Variants in SCUBE3 observed in about 807,000 individuals in gnomAD.
SCUBE3 encodes signal peptide, CUB and EGF-like domain-containing protein 3.
In SCUBE3, 33 loss-of-function variants were observed where a neutral mutation model predicts 116.8. The ratio of observed to expected loss-of-function variants is 0.28; its 90% CI spans 0.21 to 0.38. The LOEUF (loss-of-function observed/expected upper bound fraction) is 0.38. Among genes scored for constraint, SCUBE3 ranks in the 10% least tolerant of loss-of-function variants. The pLI, the probability that SCUBE3 is intolerant of heterozygous loss-of-function variation, is 1.00. For missense variants in SCUBE3, 1,007 were observed against 1,324.8 expected, an observed-to-expected ratio of 0.76 and a Z score of 3.72; for synonymous variants, 418 against 496.9, an observed-to-expected ratio of 0.84 and a Z score of 2.11.
chr6:35,238,002 C>A lies in SCUBE3; in HGVS notation c.813C>A (p.Asp271Glu). ...CTGTGGGCTTCATGCTGCAGCCAGA[C>A]AGGAAGACGTGCAAAGGTAAGGACT... ...TCPVGFMLQP[D>E]RKTCKDIDEC... Residue 271 changes from aspartate (D) to glutamate (E), a missense_variant, in exon 7 of 22, where the codon GAC (aspartate) becomes GAA (glutamate). Coordinates refer to ENST00000274938, the MANE Select transcript of SCUBE3 (RefSeq NM_152753.4). 1 of 1,602,646 alleles carries A rather than the reference C, an allele frequency of 6.2e-7. No homozygotes were observed. Among genetic ancestry groups the A allele is most frequent in the Non-Finnish European group, 8.5e-7 (1 of 1,169,990 alleles).
At chr6:35,227,545 C>G in intron 1 of SCUBE3, 35 bp from the exon 2 acceptor site, 3 of 1,613,700 alleles carry the variant, frequency 1.9e-6, no homozygotes, top group South Asian at 1.1e-5. Flanking sequence ...GAGGTGCCAA[C>G]AGAGGTTCTC....
chr6:35,241,592 C>A lies in SCUBE3; in HGVS notation c.1245C>A (p.Ser415Arg). The A allele has an allele frequency of 6.2e-7, 1 of 1,614,206 alleles. No homozygotes were observed. Among genetic ancestry groups the A allele is most frequent in the South Asian group, 1.1e-5 (1 of 91,086 alleles). The change falls in exon 11 of 22, where the codon AGC (serine) becomes AGA (arginine). Residue 415 changes from serine (S) to arginine (R), a missense_variant. Physicochemically the swap from Ser to Arg is moderately radical, Grantham distance 110 (BLOSUM62 -1). Transcript: ENST00000274938. This position sits in a 1 kb window ranked among gnomAD's most constrained non-coding sequence, Gnocchi z 4.1. ...CTGGGGCCTCGAAAGCCATGCTCAG[C>A]TGCAACCGGTCTGGCAAGAAGGACA... ...GSPGASKAML[S>R]CNRSGKKDTC...
chr6:35,241,217 C>G lies in SCUBE3; in HGVS notation c.1146C>G (p.Thr382=). ...CINTPGSYQC[T]CPAGQGRLHW... Reference sequence around the variant, plus strand: ...ACACTCCTGGCAGCTACCAGTGTACCTGCCCAGCAGGCCAGGGTCGGCTGC... The same window carrying G: ...ACACTCCTGGCAGCTACCAGTGTACGTGCCCAGCAGGCCAGGGTCGGCTGC... Residue 382 remains threonine (T), a synonymous_variant, in exon 10 of 22, where the codon ACC becomes ACG. Coordinates refer to ENST00000274938, the MANE Select transcript of SCUBE3 (RefSeq NM_152753.4). The surrounding 1 kb of genome is among the most constrained non-coding windows in gnomAD (Gnocchi z 4.1). 1.9e-6 allele frequency: 3 copies of G among 1,605,290 alleles called. No individual in the cohort carries two copies. In the South Asian group the frequency reaches 3.3e-5, roughly 18 times the overall value.
At position 35,245,822 on chromosome 6, in the gene SCUBE3, G is replaced by T; in HGVS notation, c.2600-122G>T. On this transcript the variant is annotated intron_variant, in intron 19 of 21. Transcript: ENST00000274938. The surrounding 1 kb of genome is among the most constrained non-coding windows in gnomAD (Gnocchi z 4.2). ...GGGTAGGGTGTGTGTATGCGAAGGG[G>T]GAGCCTTTGTCAGAATGATTCTCTT... The T allele has an allele frequency of 9.6e-7, 1 of 1,041,322 alleles. No individual in the cohort carries two copies. Among genetic ancestry groups the T allele is most frequent in the Non-Finnish European group, 1.4e-6 (1 of 700,508 alleles). The allele number at this position is 1,041,322 out of a possible 1,614,324, so 64.5% of individuals were successfully genotyped here. A position where few individuals can be genotyped will look rare whatever the true frequency, so the allele number is the denominator to read the frequency against.
rs1297023488 is a variant in SCUBE3 at position 35,233,149 on chromosome 6, A to T, written c.596-36A>T. 6.5e-7 allele frequency: 1 copy of T among 1,549,082 alleles called. No individual in the cohort carries two copies. The highest frequency in any genetic ancestry group is 1.1e-5 in the South Asian group (1 of 88,842). On this transcript the variant is annotated intron_variant, in intron 5 of 21. Coordinates refer to ENST00000274938, the MANE Select transcript of SCUBE3 (RefSeq NM_152753.4). The surrounding 1 kb of genome is among the most constrained non-coding windows in gnomAD (Gnocchi z 5.7). ...GTGGAAAACTGTGGATGCAGGGAGG[A>T]GCAAGCTGACAGGGCCCTGTCCTCT...
rs1783549911 is a variant in SCUBE3, at chr6:35,231,599, C to CT, written c.335-124dup. ...ATATTAGCTGACAAGGGTGTGAGGACTTCCTGGCTTAAGGCTGGGCTTAGG... is the reference window on the plus strand; with the variant it reads ...ATATTAGCTGACAAGGGTGTGAGGACTTTCCTGGCTTAAGGCTGGGCTTAGG... On this transcript the variant is annotated intron_variant, in intron 3 of 21. Transcript: ENST00000274938. This position sits in a 1 kb window ranked among gnomAD's most constrained non-coding sequence, Gnocchi z 4.2. 1.4e-6 allele frequency: 1 copy of CT among 739,106 alleles called. No individual in the cohort carries two copies. The highest frequency in any genetic ancestry group is 1.8e-5 in the African/African-American group (1 of 56,106). 45.8% of individuals were successfully genotyped at this position (739,106 alleles called of 1,614,324 possible).
In SCUBE3 at chr6:35,214,537, T is replaced by G. The variant is rs1163179482; in HGVS notation, c.85+34T>G. On this transcript the variant is annotated intron_variant, in intron 1 of 21. Coordinates refer to ENST00000274938, the MANE Select transcript of SCUBE3 (RefSeq NM_152753.4). The surrounding 1 kb of genome is among the most constrained non-coding windows in gnomAD (Gnocchi z 6.3). The stretch of plus-strand genomic sequence containing the variant: ...GGAGGGGCGCGCGGCCTGGGGGCTG[T>G]CCTGGCTGCTGGGCCTCAGGGCCTA... 1 of 1,363,630 alleles carries G rather than the reference T, an allele frequency of 7.3e-7. No homozygotes were observed. The highest frequency in any genetic ancestry group is 1.5e-5 in the African/African-American group (1 of 66,412). 84.5% of individuals were successfully genotyped at this position (1,363,630 alleles called of 1,614,324 possible). A position where few individuals can be genotyped will look rare whatever the true frequency, so the allele number is the denominator to read the frequency against.
Position 35,239,874 on chromosome 6 carries a change from G to C in SCUBE3, c.952G>C (p.Asp318His). ...TCTCATCAATGAGAGGAACTGCCAGGGTGAGCAGACTCAGCCAAAGGTGAA... is the reference window on the plus strand; with the variant it reads ...TCTCATCAATGAGAGGAACTGCCAGCGTGAGCAGACTCAGCCAAAGGTGAA... ...KLLINERNCQ[D>H]IDECSFDRTC... The change falls in exon 8 of 22, where the codon GAT (aspartate) becomes CAT (histidine). Residue 318 changes from aspartate to histidine, a missense_variant and splice_region_variant. This residue lies in a region of SCUBE3 where 214 missense variants were observed against 316.7 expected (regional missense o/e 0.68). Coordinates refer to ENST00000274938, the MANE Select transcript of SCUBE3 (RefSeq NM_152753.4). This position sits in a 1 kb window ranked among gnomAD's most constrained non-coding sequence, Gnocchi z 4.1. 6.3e-7 allele frequency: 1 copy of C among 1,598,730 alleles called. No homozygotes were observed. Among genetic ancestry groups the C allele is most frequent in the Non-Finnish European group, 8.5e-7 (1 of 1,175,000 alleles).
chr6:35,248,835 C>G lies in SCUBE3; in HGVS notation c.*130C>G. 2.8e-6 allele frequency: 2 copies of G among 703,930 alleles called. No homozygotes were observed. Among genetic ancestry groups the G allele is most frequent in the Non-Finnish European group, 4.9e-6 (2 of 412,054 alleles). The allele number at this position is 703,930 out of a possible 1,614,324, so 43.6% of individuals were successfully genotyped here. ...GAGGGAAAAAAAAAATATCACTACA[C>G]AAACCAGGCACTCTCCCTTTCTGTC... On this transcript the variant is annotated 3_prime_UTR_variant, in exon 22 of 22. Transcript: ENST00000274938.
chr6:35,250,036 A>C lies in SCUBE3; in HGVS notation c.*1331A>C, dbSNP rs1052988422. ...TTGGAGTGGAAGAAAATCGGTTTTG[A>C]ATCTCATGAACCTTGAGTGCTGGAG... On this transcript the variant is annotated 3_prime_UTR_variant, in exon 22 of 22. Coordinates refer to ENST00000274938, the MANE Select transcript of SCUBE3 (RefSeq NM_152753.4). 1 of 152,654 alleles carries C rather than the reference A, an allele frequency of 6.6e-6. No homozygotes were observed. The highest frequency in any genetic ancestry group is 2.4e-5 in the African/African-American group (1 of 41,450). 9.5% of individuals were successfully genotyped at this position (152,654 alleles called of 1,614,324 possible).
chr6:35,230,693 G>A (rs1783509637), intron 3 of SCUBE3, among the ~76,000 whole-genome samples: 1 of 152,216 alleles, frequency 6.6e-6, no homozygotes, highest in Non-Finnish European at 1.5e-5. Context: ...TCCAACAGGT[G>A]CATCTCTTGG....
chr6:35,238,067 G>T (rs757757426), intron 7 of SCUBE3, 49 bp downstream of exon 7: 22 of 1,136,474 alleles, frequency 1.9e-5, no homozygotes, highest in Non-Finnish European at 2.4e-5. Flanking sequence ...GTAAGGGGCT[G>T]AGGTTGGGAC....
chr6:35,241,764 T>G lies in SCUBE3; in HGVS notation c.1313-42T>G. On this transcript the variant is annotated intron_variant, in intron 11 of 21. Transcript: ENST00000274938. This position sits in a 1 kb window ranked among gnomAD's most constrained non-coding sequence, Gnocchi z 4.1. ...CCTGGATTCCTCCAGCCAGCGGGGG[T>G]TGGGAAGGCAGGTCAGAACTGTGAC... 6.4e-7 allele frequency: 1 copy of G among 1,552,336 alleles called. No individual in the cohort carries two copies. The highest frequency in any genetic ancestry group is 8.9e-7 in the Non-Finnish European group (1 of 1,123,766).
chr6:35,214,317 G>GCCCCCCCCC lies in SCUBE3; in HGVS notation c.-97_-96insCCCCCCCCC. The GCCCCCCCCC allele has an allele frequency of 1.6e-6, 1 of 622,898 alleles. No homozygotes were observed. Among genetic ancestry groups the GCCCCCCCCC allele is most frequent in the Non-Finnish European group, 2.3e-6 (1 of 432,616 alleles). 38.6% of individuals were successfully genotyped at this position (622,898 alleles called of 1,614,324 possible). ...GCCCCCGGCCTGGCCCCGGCGGGGC[G>GCCCCCCCCC]CCCCCTCCCCTCCCCCTCCTGCGAG... On this transcript the variant is annotated 5_prime_UTR_variant, in exon 1 of 22. Coordinates refer to ENST00000274938, the MANE Select transcript of SCUBE3 (RefSeq NM_152753.4). This position sits in a 1 kb window ranked among gnomAD's most constrained non-coding sequence, Gnocchi z 6.3.
In SCUBE3 at chr6:35,244,019, C is replaced by T; in HGVS notation, c.2128C>T (p.Pro710Ser). The change falls in exon 17 of 22, where the codon CCA becomes TCA. Residue 710 changes from proline (P) to serine (S), a missense_variant. Pro to Ser is a moderately conservative substitution (Grantham distance 74). Around this residue, in one of 5 missense-constraint regions of SCUBE3, gnomAD observed 544 missense variants for 638.9 expected, o/e 0.85. Transcript: ENST00000274938. The surrounding 1 kb of genome is among the most constrained non-coding windows in gnomAD (Gnocchi z 4.3). ...TGGGTTCAAGCCCTGTCAGCCATGC[C>T]CACGTGGCACCTACCAACCTGAAGC... ...VDGFKPCQPC[P>S]RGTYQPEAGR... The T allele has an allele frequency of 6.2e-7, 1 of 1,614,052 alleles. No homozygotes were observed. Among genetic ancestry groups the T allele is most frequent in the Non-Finnish European group, 8.5e-7 (1 of 1,179,928 alleles).
chr6:35,242,338 C>A lies in SCUBE3; in HGVS notation c.1534+18C>A. 6.5e-7 allele frequency: 1 copy of A among 1,547,218 alleles called. No individual in the cohort carries two copies. Among genetic ancestry groups the A allele is most frequent in the Non-Finnish European group, 8.9e-7 (1 of 1,119,406 alleles). On this transcript the variant is annotated intron_variant, in intron 13 of 21. Transcript: ENST00000274938. ...AGGGCCAGGTTTGGACTGGGGACCC[C>A]ATTCCAGTTGGCTGTCTGGCCACTA...
At position 35,231,882 on chromosome 6, in the gene SCUBE3, C is replaced by G. The variant is rs1366727715; in HGVS notation, c.469+23C>G. 1.3e-6 allele frequency: 2 copies of G among 1,585,946 alleles called. No individual in the cohort carries two copies. The highest frequency in any genetic ancestry group is 2.2e-5 in the South Asian group (2 of 89,244). On this transcript the variant is annotated intron_variant, in intron 4 of 21. Transcript: ENST00000274938. This position sits in a 1 kb window ranked among gnomAD's most constrained non-coding sequence, Gnocchi z 4.2. ...AAGGTCAGCCCATGACCTGGGATGG[C>G]CCCATCCCTGCCCTCCCCAGGCTTC...
chr6:35,217,546 T>C (rs1486953648), intron 1 of SCUBE3, among the ~76,000 whole-genome samples: 4 of 151,350 alleles, frequency 2.6e-5, no homozygotes, highest in Non-Finnish European at 5.9e-5. Context: ...TCCGGGTCTC[T>C]GTCTGGGTGT....
rs57822793 is a variant in SCUBE3, at chr6:35,241,086, C to T, written c.1070-55C>T. ...AGGCCCTCACTCACTGCCTACTCTCCGGCTCCTCCTCCAACTCCATCGTTG... is the reference window on the plus strand; with the variant it reads ...AGGCCCTCACTCACTGCCTACTCTCTGGCTCCTCCTCCAACTCCATCGTTG... On this transcript the variant is annotated intron_variant, in intron 9 of 21. Transcript: ENST00000274938. This position sits in a 1 kb window ranked among gnomAD's most constrained non-coding sequence, Gnocchi z 4.1. The T allele has an allele frequency of 4.2e-4, 651 of 1,542,932 alleles. 5 individuals are homozygous for T. In the African/African-American group the frequency reaches 6.9e-3, roughly 16 times the overall value.
Sources: gnomAD v4.1 joint callset for allele counts (sites outside exome capture counted in the v4.1 genomes callset) on GRCh38, gnomAD v4.1.1 for gene constraint, gnomAD v4.1.1 regional missense constraint, Gnocchi (gnomAD v3.1) non-coding constraint, MANE v1.5 for transcripts, NCBI Gene and HGNC (gene_info 2026-07-23, HGNC 2026-07-21) for gene names.